Variants in TIAM2 observed in about 807,000 individuals in gnomAD.
TIAM2 encodes TIAM Rac1 associated GEF 2, also known as rho guanine nucleotide exchange factor TIAM2.
A neutral mutation model predicts 152.9 loss-of-function variants in TIAM2; 80 were observed. That is an observed-to-expected ratio of 0.52 (90% CI 0.44 to 0.63). The LOEUF is 0.63. TIAM2 is among the 30% of genes least tolerant of loss of function. TIAM2 has a pLI of 0.00. For missense variants in TIAM2, 1,965 were observed against 2,120.1 expected, an observed-to-expected ratio of 0.93 and a Z score of 1.44; for synonymous variants, 804 against 838.0, an observed-to-expected ratio of 0.96 and a Z score of 0.70.
intron 1 of TIAM2, among the ~76,000 whole-genome samples, chr6:155,030,284 C>G (rs1460007646): frequency 6.6e-6 from 1 of 152,100 alleles, no homozygotes; most frequent in Non-Finnish European, 1.5e-5. Flanking sequence ...ACTTCACAAC[C>G]AAGTTGTGAT....
At chr6:155,178,034 G>A (rs962151883) in intron 10 of TIAM2, among the ~76,000 whole-genome samples, 6 of 151,958 alleles carry the variant, frequency 3.9e-5, no homozygotes, top group Admixed American at 6.6e-5. Flanking sequence ...GGTGGCGGGC[G>A]CCTGTAGTCC....
intron 2 of TIAM2, among the ~76,000 whole-genome samples, chr6:155,108,048 C>T (rs572539443): frequency 6.2e-4 from 94 of 152,272 alleles, no homozygotes; most frequent in African/African-American, 1.9e-3. Context: ...AGTAAGGGTA[C>T]GGGTGAACAG....
At chr6:155,046,540 G>A (rs2114915291) in intron 1 of TIAM2, among the ~76,000 whole-genome samples, 1 of 152,146 alleles carries the variant, frequency 6.6e-6, no homozygotes, top group South Asian at 2.1e-4. Context: ...TCGCCATGTT[G>A]GCCAGGCTGG....
intron 9 of TIAM2, among the ~76,000 whole-genome samples, chr6:155,167,840 C>A (rs903984823): frequency 6.6e-6 from 1 of 152,130 alleles, no homozygotes; most frequent in East Asian, 1.9e-4. Flanking sequence ...TAACTAATGT[C>A]CTTAAGGTAT....
chr6:155,202,387 T>C (rs1329728303), intron 14 of TIAM2, among the ~76,000 whole-genome samples: 1 of 152,170 alleles, frequency 6.6e-6, no homozygotes. Context: ...AAAATATGCA[T>C]TGCTATACAA....
At chr6:155,055,700 G>A (rs879677092) in intron 1 of TIAM2, among the ~76,000 whole-genome samples, 13 of 152,188 alleles carry the variant, frequency 8.5e-5, no homozygotes, top group Admixed American at 2.0e-4. Context: ...GGTGGGTCAC[G>A]TCTGTAATCC....
chr6:155,112,560 T>C (rs73004916), intron 2 of TIAM2, among the ~76,000 whole-genome samples: 11,239 of 152,170 alleles, frequency 0.074, 535 homozygotes, highest in East Asian at 0.23. Flanking sequence ...CTTTGTTTAC[T>C]TATGGAGAAC....
chr6:155,257,262 T>TAA lies in TIAM2; in HGVS notation c.*143_*144dup, dbSNP rs1784118994. 1.1e-6 allele frequency: 1 copy of TAA among 942,658 alleles called. No homozygotes were observed. The highest frequency in any genetic ancestry group is 1.5e-6 in the Non-Finnish European group (1 of 649,762). 58.4% of individuals were successfully genotyped at this position (942,658 alleles called of 1,614,324 possible). ...TATACATTTTCCCACAAAATGGTTG[T>TAA]AAAGATTTAAGTTATTTTAATTTAT... On this transcript the variant is annotated 3_prime_UTR_variant, in exon 27 of 27. Transcript: ENST00000682666.
At chr6:155,135,879 C>T (rs564722939) in intron 4 of TIAM2, among the ~76,000 whole-genome samples, 2 of 151,988 alleles carry the variant, frequency 1.3e-5, no homozygotes, top group South Asian at 4.2e-4. Context: ...GAAAGTAATT[C>T]TCTAAGTAAG....
At chr6:155,177,863 A>T (rs750882875) in intron 10 of TIAM2, among the ~76,000 whole-genome samples, 4 of 152,162 alleles carry the variant, frequency 2.6e-5, no homozygotes, top group Non-Finnish European at 5.9e-5. Flanking sequence ...TAATTTTCTG[A>T]GTAATAAAGG....
Position 155,174,334 on chromosome 6 carries a change from C to G in TIAM2, c.2362-2482C>G, listed in dbSNP as rs1780708787. Among the ~76,000 whole-genome samples, 1 of 151,292 alleles carries G rather than the reference C, an allele frequency of 6.6e-6. No individual in the cohort carries two copies. Among genetic ancestry groups the G allele is most frequent in the Non-Finnish European group, 1.5e-5 (1 of 67,938 alleles). ...CTGTGAGTGGTGAGTGAACTGATGGCACATCAGGAGCTTGTTTCATTTGGT... is the reference window on the plus strand; with the variant it reads ...CTGTGAGTGGTGAGTGAACTGATGGGACATCAGGAGCTTGTTTCATTTGGT... On this transcript the variant is annotated intron_variant, in intron 9 of 26. Coordinates refer to ENST00000682666, the MANE Select transcript of TIAM2 (RefSeq NM_012454.4). This position sits in a 1 kb window ranked among gnomAD's most constrained non-coding sequence, Gnocchi z 4.2.
intron 1 of TIAM2, among the ~76,000 whole-genome samples, chr6:155,080,334 G>T (rs1231747614): frequency 6.6e-6 from 1 of 151,694 alleles, no homozygotes; most frequent in Non-Finnish European, 1.5e-5. Context: ...GCTTAAGAGA[G>T]AATTTATTAC....
chr6:155,021,459 G>A (rs1023363690), intron 1 of TIAM2, among the ~76,000 whole-genome samples: 3 of 151,914 alleles, frequency 2.0e-5, no homozygotes, highest in Non-Finnish European at 4.4e-5. Context: ...ACGGGGTTTC[G>A]CCATGTTGGT....
intron 1 of TIAM2, among the ~76,000 whole-genome samples, chr6:155,071,452 T>G (rs1005680423): frequency 2.0e-5 from 3 of 152,228 alleles, no homozygotes; most frequent in Non-Finnish European, 2.9e-5. Context: ...TGCCCAGATA[T>G]TGTTTACTAT....
In TIAM2 at chr6:155,129,988, C is replaced by T; in HGVS notation, c.765C>T (p.Gly255=). 1 of 1,614,138 alleles carries T rather than the reference C, an allele frequency of 6.2e-7. No individual in the cohort carries two copies. The highest frequency in any genetic ancestry group is 8.5e-7 in the Non-Finnish European group (1 of 1,180,048). Residue 255 remains glycine, a synonymous_variant, in exon 4 of 27, where the codon GGC becomes GGT. Transcript: ENST00000682666. The surrounding 1 kb of genome is among the most constrained non-coding windows in gnomAD (Gnocchi z 4.8). ...CATCCTGGTACGACTCCCCTTGGGGCAATGCTGGAGAGCTGAGCGAGGCTG... is the reference window on the plus strand; with the variant it reads ...CATCCTGGTACGACTCCCCTTGGGGTAATGCTGGAGAGCTGAGCGAGGCTG... ...SESSWYDSPW[G]NAGELSEAEG... is the part of the protein sequence containing the mutation.
intron 16 of TIAM2, among the ~76,000 whole-genome samples, chr6:155,241,358 T>C (rs1309336021): frequency 6.6e-6 from 1 of 152,190 alleles, no homozygotes; most frequent in Non-Finnish European, 1.5e-5. Flanking sequence ...TTGGTACCAT[T>C]TGAAGCTCGC....
At chr6:155,139,571 A>G (rs1779641453) in intron 5 of TIAM2, among the ~76,000 whole-genome samples, 1 of 152,176 alleles carries the variant, frequency 6.6e-6, no homozygotes, top group Non-Finnish European at 1.5e-5. Context: ...ATTTAAAGAG[A>G]TAAGAAAGTT....
chr6:155,083,990 A>G (rs1778126288), intron 1 of TIAM2, among the ~76,000 whole-genome samples: 1 of 152,184 alleles, frequency 6.6e-6, no homozygotes, highest in African/African-American at 2.4e-5. Flanking sequence ...TATAGGTTGA[A>G]GCAGAATCGA....
chr6:155,182,600 A>C (rs1005491016), intron 13 of TIAM2, among the ~76,000 whole-genome samples: 2 of 152,158 alleles, frequency 1.3e-5, no homozygotes, highest in African/African-American at 4.8e-5. Context: ...GCCTCCGTAA[A>C]AAAGGACAGA....
Sources: gnomAD v4.1 joint callset for allele counts (sites outside exome capture counted in the v4.1 genomes callset) on GRCh38, gnomAD v4.1.1 for gene constraint, Gnocchi (gnomAD v3.1) non-coding constraint, MANE v1.5 for transcripts, NCBI Gene and HGNC (gene_info 2026-07-23, HGNC 2026-07-21) for gene names.